DHX8: variants seen among roughly 807,000 people sequenced by gnomAD.
DHX8 encodes ATP-dependent RNA helicase DHX8.
Under a neutral mutation model 140.7 loss-of-function variants are expected in DHX8, and 67 were observed. That is an observed-to-expected ratio of 0.48 (90% CI 0.39 to 0.58). The LOEUF is 0.58. Among genes scored for constraint, DHX8 ranks in the 20% least tolerant of loss-of-function variants. The pLI, the probability that DHX8 is intolerant of heterozygous loss-of-function variation, is 0.00. For synonymous variants in DHX8, 533 were observed against 553.2 expected, an observed-to-expected ratio of 0.96 and a Z score of 0.51; for missense variants, 887 against 1,550.7, an observed-to-expected ratio of 0.57 and a Z score of 7.19.
intron 2 of DHX8, among the ~76,000 whole-genome samples, chr17:43,531,978 A>T (rs1744283326): frequency 2.0e-5 from 3 of 152,178 alleles, no homozygotes; most frequent in Non-Finnish European, 4.4e-5. Context: ...TTCCCTATTA[A>T]GTCACAAGCT....
chr17:43,513,588 G>C (rs1402670518), intron 17 of DHX8, 86 bp downstream of exon 17: 1 of 1,423,332 alleles, frequency 7.0e-7, no homozygotes, highest in African/African-American at 1.4e-5. Flanking sequence ...TTTCAAACTT[G>C]TTTTCAAAGA....
rs75315544 is a variant in DHX8, at chr17:43,542,463, A to G, written c.*21-1699A>G. Among the ~76,000 whole-genome samples the G allele has an allele frequency of 8.3e-3, 1,265 of 152,136 alleles. 20 individuals are homozygous for G. The highest frequency in any genetic ancestry group is 0.029 in the African/African-American group (1,191 of 41,494). The stretch of plus-strand genomic sequence containing the variant: ...AAGGAACCTTGGACAAAAAACCAGC[A>G]TATCTTTTACCATAGCCAGACACAT... On this transcript the variant is annotated intron_variant, in intron 3 of 3. Coordinates refer to the DHX8 transcript ENST00000589898.
chr17:43,508,269 T>A, intron 15 of DHX8, 70 bp from the exon 16 acceptor site: 2 of 1,530,560 alleles, frequency 1.3e-6, no homozygotes, highest in Non-Finnish European at 1.7e-6. Flanking sequence ...TTTATTAATA[T>A]CACCATAGCC....
At chr17:43,487,514 C>A (rs374656114) in intron 1 of DHX8, among the ~76,000 whole-genome samples, 1 of 152,148 alleles carries the variant, frequency 6.6e-6, no homozygotes, top group Non-Finnish European at 1.5e-5. Flanking sequence ...CCACCACCCC[C>A]GGCTGATTTT....
intron 16 of DHX8, among the ~76,000 whole-genome samples, chr17:43,510,030 G>GTTTT (rs1410130225): frequency 1.4e-5 from 2 of 145,508 alleles, no homozygotes; most frequent in Non-Finnish European, 3.1e-5. Flanking sequence ...GGAATTTACT[G>GTTTT]TTTTTTGTTT....
At chr17:43,503,522 G>A (rs950041674) in intron 11 of DHX8, among the ~76,000 whole-genome samples, 14 of 151,262 alleles carry the variant, frequency 9.3e-5, no homozygotes, top group East Asian at 5.8e-4. Flanking sequence ...AAGTTTAGCC[G>A]TGTGTAATCA....
downstream of DHX8, chr17:43,526,341 C>G: frequency 7.0e-7 from 1 of 1,435,602 alleles, no homozygotes; most frequent in Non-Finnish European, 9.1e-7. Context: ...TCAGGAGTTG[C>G]CTGCCTCTGC....
At chr17:43,541,283 CAGG>C (rs1427128113) in intron 3 of DHX8, among the ~76,000 whole-genome samples, 2 of 152,218 alleles carry the variant, frequency 1.3e-5, no homozygotes, top group African/African-American at 2.4e-5. Context: ...TCCTGGAGAG[CAGG>C]AGAATTTTTA....
At chr17:43,488,964 A>AT (rs748890008) in intron 1 of DHX8, among the ~76,000 whole-genome samples, 16 of 151,714 alleles carry the variant, frequency 1.1e-4, no homozygotes, top group Non-Finnish European at 2.4e-4. Context: ...TGTGTGGATA[A>AT]TTTCAGCAGT....
Position 43,491,122 on chromosome 17 carries a change from A to G in DHX8, c.308-43A>G, listed in dbSNP as rs765829580. The G allele has an allele frequency of 5.8e-6, 5 of 868,930 alleles. No individual in the cohort carries two copies. The South Asian group carries it at 9.1e-5, about 16-fold the overall frequency. The allele number at this position is 868,930 out of a possible 1,614,324, so 53.8% of individuals were successfully genotyped here. A position where few individuals can be genotyped will look rare whatever the true frequency, so the allele number is the denominator to read the frequency against. ...GTTAATCATTAATAATATTAAATAT[A>G]TATCTCTTTTTTTAACCCCTTCATG... On this transcript the variant is annotated intron_variant, in intron 3 of 22. Transcript: ENST00000262415.
At chr17:43,522,015 G>T in intron 21 of DHX8, 32 bp from the exon 22 acceptor site, 1 of 1,607,424 alleles carries the variant, frequency 6.2e-7, no homozygotes, top group Non-Finnish European at 8.5e-7. Context: ...TGAAAGCTGA[G>T]TGGGCTCATA....
At chr17:43,487,753 G>T (rs888047983) in intron 1 of DHX8, among the ~76,000 whole-genome samples, 3 of 151,778 alleles carry the variant, frequency 2.0e-5, no homozygotes, top group Non-Finnish European at 4.4e-5. Flanking sequence ...GAGGCAGTAG[G>T]ATTACCTGAG....
intron 11 of DHX8, among the ~76,000 whole-genome samples, chr17:43,503,513 AG>A (rs1471860545): frequency 5.3e-5 from 8 of 150,992 alleles, no homozygotes; most frequent in Non-Finnish European, 1.2e-4. Context: ...AAAAAAAAAA[AG>A]TTTAGCCGTG....
At position 43,484,194 on chromosome 17, in the gene DHX8, G is replaced by A; in HGVS notation, c.148+9G>A. The A allele has an allele frequency of 6.2e-7, 1 of 1,612,216 alleles. No homozygotes were observed. The highest frequency in any genetic ancestry group is 1.7e-5 in the Admixed American group (1 of 59,810). ...CAACGACAAGGACCTTGGTGAGCTC[G>A]GGGAGGTCCCTGGGACCTCAGTTTG... is the stretch of plus-strand genomic sequence containing the variant. On this transcript the variant is annotated intron_variant, in intron 1 of 22. Transcript: ENST00000262415.
intron 2 of DHX8, chr17:43,533,174 CCT>C: frequency 1.2e-6 from 2 of 1,612,848 alleles, no homozygotes; most frequent in Non-Finnish European, 1.7e-6. Flanking sequence ...AGTGGGTTTC[CCT>C]GTCTCCTTAC....
intron 21 of DHX8, 80 bp downstream of exon 21, chr17:43,521,645 A>G (rs1007257462): frequency 4.3e-6 from 6 of 1,387,976 alleles, no homozygotes; most frequent in East Asian, 2.3e-5. Context: ...GTGTGTACCT[A>G]TAAAGCTATA....
intron 1 of DHX8, among the ~76,000 whole-genome samples, chr17:43,485,299 A>G (rs189458273): frequency 6.6e-6 from 1 of 152,274 alleles, no homozygotes; most frequent in Admixed American, 6.5e-5. Flanking sequence ...GGGGCAGGTG[A>G]CAGGAGGGGT....
Position 43,533,759 on chromosome 17 carries a change from T to C in DHX8, c.351-2653T>C. On this transcript the variant is annotated intron_variant, in intron 2 of 3. Transcript: ENST00000589898. ...GTGCTAGAAAATCCTTTCTGTTGTCTAACTTGCATCTCAGCTGCTGCCTCT... is the reference window on the plus strand; with the variant it reads ...GTGCTAGAAAATCCTTTCTGTTGTCCAACTTGCATCTCAGCTGCTGCCTCT... 2.1e-6 allele frequency: 3 copies of C among 1,459,952 alleles called. No homozygotes were observed. The South Asian group carries it at 3.9e-5, about 19-fold the overall frequency. 90.4% of individuals were successfully genotyped at this position (1,459,952 alleles called of 1,614,324 possible).
intron 16 of DHX8, among the ~76,000 whole-genome samples, chr17:43,512,220 G>A (rs1013024972): frequency 6.6e-6 from 1 of 151,404 alleles, no homozygotes; most frequent in Non-Finnish European, 1.5e-5. Flanking sequence ...AACCCAGTCT[G>A]TACTAAAAAT....
Sources: gnomAD v4.1 joint callset for allele counts (sites outside exome capture counted in the v4.1 genomes callset) on GRCh38, gnomAD v4.1.1 for gene constraint, MANE v1.5 for transcripts, NCBI Gene and HGNC (gene_info 2026-07-23, HGNC 2026-07-21) for gene names.